BMPER: variants seen among roughly 807,000 people sequenced by gnomAD.
The protein encoded by BMPER is BMP binding endothelial regulator.
BMPER carries 45 observed loss-of-function variants against 87.3 expected under a neutral mutation model. The ratio of observed to expected loss-of-function variants is 0.52; its 90% confidence interval spans 0.41 to 0.66. The LOEUF (loss-of-function observed/expected upper bound fraction) is 0.66, where lower values mean the gene tolerates loss of function less well. Ranked by LOEUF, BMPER falls within the 30% of genes least tolerant of loss-of-function variation. BMPER has a pLI of 0.00. For synonymous variants in BMPER, 326 were observed against 316.2 expected, an observed-to-expected ratio of 1.03 and a Z score of -0.33; for missense variants, 784 against 867.5, an observed-to-expected ratio of 0.90 and a Z score of 1.21.
chr7:34,056,819 T>C (rs1585784515), intron 9 of BMPER, among the ~76,000 whole-genome samples: 4 of 152,234 alleles, frequency 2.6e-5, no homozygotes, highest in Admixed American at 2.6e-4. Flanking sequence ...GATATTGCCA[T>C]GTTGGTCAGG....
At chr7:34,010,090 A>C (rs550263095) in intron 6 of BMPER, among the ~76,000 whole-genome samples, 2 of 151,596 alleles carry the variant, frequency 1.3e-5, no homozygotes, top group Non-Finnish European at 2.9e-5. Context: ...TATAAACCAC[A>C]CTCTCCTTCA....
chr7:34,019,202 T>C (rs1346761822), intron 6 of BMPER, among the ~76,000 whole-genome samples: 1 of 151,968 alleles, frequency 6.6e-6, no homozygotes, highest in Non-Finnish European at 1.5e-5. Flanking sequence ...AAGAGAACAT[T>C]CCTTTCTTCC....
chr7:34,006,445 A>G (rs1175966245), intron 6 of BMPER, among the ~76,000 whole-genome samples: 1 of 152,046 alleles, frequency 6.6e-6, no homozygotes, highest in Non-Finnish European at 1.5e-5. Context: ...AAACTCTATC[A>G]TTTGCCAAAA....
At chr7:34,095,649 G>T (rs951962861) in intron 13 of BMPER, among the ~76,000 whole-genome samples, 1 of 152,204 alleles carries the variant, frequency 6.6e-6, no homozygotes, top group Non-Finnish European at 1.5e-5. Flanking sequence ...TTGAGGACAT[G>T]AGCTGTATTT....
At chr7:33,948,500 T>G (rs1784943139) in intron 3 of BMPER, among the ~76,000 whole-genome samples, 1 of 152,172 alleles carries the variant, frequency 6.6e-6, no homozygotes, top group African/African-American at 2.4e-5. Context: ...TGTCTCTGTG[T>G]CCCCACCCAA....
Position 34,000,523 on chromosome 7 carries a change from G to A in BMPER, c.576+25739G>A, listed in dbSNP as rs1786553002. Among the ~76,000 whole-genome samples, 3 of 151,944 alleles carry A rather than the reference G, an allele frequency of 2.0e-5. No homozygotes were observed. In the South Asian group the frequency reaches 6.2e-4, roughly 32 times the overall value. ...CCCTAAGAGATACAGTCTTAATTAGGGGTAAGGTATCTACAAAGGAATCTT... is the reference window on the plus strand; with the variant it reads ...CCCTAAGAGATACAGTCTTAATTAGAGGTAAGGTATCTACAAAGGAATCTT... On this transcript the variant is annotated intron_variant, in intron 6 of 14. Transcript: ENST00000649409.
rs1218396875 is a variant in BMPER, at chr7:34,079,119, C to G, written c.1341C>G (p.Leu447=). ...GCTGGAACGGCTCGCGCATCGCGCT[C>G]CCCTGCCGCGCGCCACACTTCCACA... ...TVRWNGSRIA[L]PCRAPHFHID... is the part of the protein sequence containing the mutation. The change falls in exon 12 of 15, where the codon CTC becomes CTG. Residue 447 remains leucine (L), a synonymous_variant. Coordinates refer to ENST00000649409, the MANE Select transcript of BMPER (RefSeq NM_001365308.1). 1 of 1,613,830 alleles carries G rather than the reference C, an allele frequency of 6.2e-7. No individual in the cohort carries two copies. The highest frequency in any genetic ancestry group is 1.7e-5 in the Admixed American group (1 of 60,006).
intron 11 of BMPER, among the ~76,000 whole-genome samples, chr7:34,075,642 T>C (rs148259369): frequency 5.6e-4 from 86 of 152,332 alleles, no homozygotes; most frequent in Admixed American, 1.4e-3. Flanking sequence ...TCTATTTCTG[T>C]AGCCTCCCTC....
At chr7:34,062,534 G>A (rs1562718864) in intron 11 of BMPER, among the ~76,000 whole-genome samples, 1 of 140,074 alleles carries the variant, frequency 7.1e-6, no homozygotes, top group East Asian at 2.3e-4. Context: ...GAGAAAACAA[G>A]AAGTCATCGG....
At chr7:34,020,930 G>A (rs1787168158) in intron 6 of BMPER, among the ~76,000 whole-genome samples, 1 of 151,686 alleles carries the variant, frequency 6.6e-6, no homozygotes, top group South Asian at 2.1e-4. Flanking sequence ...TAGGGTGTGT[G>A]TGTATAAAGA....
chr7:34,022,022 C>T (rs975908599), intron 6 of BMPER, among the ~76,000 whole-genome samples: 1 of 151,960 alleles, frequency 6.6e-6, no homozygotes, highest in Non-Finnish European at 1.5e-5. Flanking sequence ...AGACCTTTCT[C>T]AAAAAATTTA....
At chr7:33,918,090 C>T (rs1784130385) in intron 2 of BMPER, among the ~76,000 whole-genome samples, 1 of 152,196 alleles carries the variant, frequency 6.6e-6, no homozygotes, top group Admixed American at 6.5e-5. Context: ...ATCCTCCTGC[C>T]TTGGCCTCCC....
chr7:34,088,521 G>A (rs911995443), intron 13 of BMPER, among the ~76,000 whole-genome samples: 10 of 152,330 alleles, frequency 6.6e-5, no homozygotes, highest in African/African-American at 2.4e-4. Context: ...GAGACTTTAT[G>A]GAGCAATGGA....
chr7:33,906,932 T>C, intron 2 of BMPER, 29 bp downstream of exon 2: 1 of 1,540,334 alleles, frequency 6.5e-7, no homozygotes, highest in Non-Finnish European at 9.0e-7. Flanking sequence ...TAATATGAAC[T>C]CAACTGCTCT....
At chr7:34,113,317 C>T (rs1160259436) in intron 13 of BMPER, among the ~76,000 whole-genome samples, 1 of 151,780 alleles carries the variant, frequency 6.6e-6, no homozygotes, top group African/African-American at 2.4e-5. Context: ...TAGTTATTAT[C>T]ATATGCAAGT....
chr7:34,078,359 G>A (rs191136747), intron 11 of BMPER, among the ~76,000 whole-genome samples: 95 of 152,200 alleles, frequency 6.2e-4, no homozygotes, highest in Admixed American at 1.9e-3. Context: ...GTAAATACAC[G>A]GGTGTTGAGT....
At chr7:33,918,723 A>G (rs1486368636) in intron 2 of BMPER, among the ~76,000 whole-genome samples, 2 of 152,228 alleles carry the variant, frequency 1.3e-5, no homozygotes, top group Non-Finnish European at 2.9e-5. Context: ...GGGGCCCATT[A>G]GACTTGAGTT....
chr7:34,135,101 C>T (rs373498700), intron 13 of BMPER, among the ~76,000 whole-genome samples: 9 of 152,078 alleles, frequency 5.9e-5, no homozygotes, highest in African/African-American at 9.6e-5. Flanking sequence ...AATTGGAGAG[C>T]GTCTAAATTA....
intron 6 of BMPER, among the ~76,000 whole-genome samples, chr7:34,044,805 G>C (rs1195348660): frequency 6.6e-6 from 1 of 152,082 alleles, no homozygotes; most frequent in East Asian, 1.9e-4. Flanking sequence ...TATTTTAAAA[G>C]ACATATAACA....
Sources: gnomAD v4.1 joint callset for allele counts (sites outside exome capture counted in the v4.1 genomes callset) on GRCh38, gnomAD v4.1.1 for gene constraint, MANE v1.5 for transcripts, NCBI Gene and HGNC (gene_info 2026-07-23, HGNC 2026-07-21) for gene names.